The following COBL variants were observed in gnomAD, a reference collection of about 807,000 sequenced individuals.
The protein encoded by COBL is cordon-bleu WH2 repeat protein.
Under a neutral mutation model 98.8 loss-of-function variants are expected in COBL, and 51 were observed. The observed-to-expected ratio is 0.52, with a 90% confidence interval of 0.41 to 0.65. The LOEUF (loss-of-function observed/expected upper bound fraction) is 0.65. Among genes scored for constraint, COBL ranks in the 30% least tolerant of loss-of-function variants. The pLI is 0.00. For synonymous variants in COBL, 634 were observed against 651.7 expected (o/e 0.97, Z 0.41); for missense variants, 1,617 against 1,617.5 (o/e 1.00, Z 0.01).
At chr7:51,033,212 T>G (rs992903656) in intron 8 of COBL, 3 of 152,198 alleles carry the variant, frequency 2.0e-5, no homozygotes, top group Non-Finnish European at 4.4e-5. Flanking sequence ...AGGTTTTAAT[T>G]GGAAAGCAAT....
Position 51,025,178 on chromosome 7 carries a change from G to A in COBL, c.3699C>T (p.Asn1233=), listed in dbSNP as rs758074023. 3.7e-5 allele frequency: 58 copies of A among 1,587,412 alleles called. No homozygotes were observed. The highest frequency in any genetic ancestry group is 4.7e-5 in the Non-Finnish European group (55 of 1,164,956). The part of the protein sequence containing the change: ...ASRFSTGTLS[N]TADARQALMD... Reference sequence around the variant, plus strand: ...TCAAGGCTTGCCTTGCGTCTGCGGTGTTGCTGAGGGTGCCCGTGCTGAACC... The same window carrying A: ...TCAAGGCTTGCCTTGCGTCTGCGGTATTGCTGAGGGTGCCCGTGCTGAACC... Residue 1233 remains asparagine, a synonymous_variant, in exon 12 of 13, where the codon AAC becomes AAT. Coordinates refer to ENST00000265136, the MANE Select transcript of COBL (RefSeq NM_015198.5).
At chr7:51,043,134 A>C (rs1789365009) in intron 8 of COBL, among the ~76,000 whole-genome samples, 1 of 152,214 alleles carries the variant, frequency 6.6e-6, no homozygotes, top group African/African-American at 2.4e-5. Flanking sequence ...CATGATATTG[A>C]GTAGAAAAAT....
At chr7:51,070,056 A>G (rs371988094) in intron 7 of COBL, among the ~76,000 whole-genome samples, 32 of 152,286 alleles carry the variant, frequency 2.1e-4, no homozygotes, top group African/African-American at 7.2e-4. Context: ...TTTCTTAATA[A>G]GAAGGAAAAA....
At chr7:51,242,490 T>G (rs1191444155) in intron 1 of COBL, among the ~76,000 whole-genome samples, 12 of 152,182 alleles carry the variant, frequency 7.9e-5, no homozygotes, top group South Asian at 2.1e-4. Flanking sequence ...TCACAGGCTG[T>G]CCTGGCTGGA....
chr7:51,039,061 G>A (rs879750627), intron 8 of COBL, among the ~76,000 whole-genome samples: 7 of 152,218 alleles, frequency 4.6e-5, no homozygotes, highest in Non-Finnish European at 8.8e-5. Flanking sequence ...CACCAGGAAC[G>A]GTGATCATGC....
At chr7:51,096,179 A>C (rs1795256121) in intron 6 of COBL, among the ~76,000 whole-genome samples, 1 of 152,166 alleles carries the variant, frequency 6.6e-6, no homozygotes, top group South Asian at 2.1e-4. Context: ...TCTGACTATA[A>C]ATAATGGAAT....
At chr7:51,246,015 T>C (rs745462957) in intron 1 of COBL, among the ~76,000 whole-genome samples, 14 of 152,182 alleles carry the variant, frequency 9.2e-5, no homozygotes, top group Non-Finnish European at 1.8e-4. Context: ...AAAGAAGATA[T>C]CTATGAATTA....
At chr7:51,024,146 A>T (rs1787242989) in intron 12 of COBL, among the ~76,000 whole-genome samples, 1 of 152,016 alleles carries the variant, frequency 6.6e-6, no homozygotes, top group Non-Finnish European at 1.5e-5. Flanking sequence ...CATCTCGACT[A>T]AAACCACAAA....
Position 51,263,911 on chromosome 7 carries a change from A to T in COBL, c.42-43967T>A, listed in dbSNP as rs186867842. On this transcript the variant is annotated intron_variant, in intron 1 of 12. Coordinates refer to ENST00000265136, the MANE Select transcript of COBL (RefSeq NM_015198.5). ...TGAGGACAGGAGATAACTAAAGTTGATGGAATGCTAACCATGAGTTTGGCA... is the reference window on the plus strand; with the variant it reads ...TGAGGACAGGAGATAACTAAAGTTGTTGGAATGCTAACCATGAGTTTGGCA... 4.9e-4 allele frequency among the ~76,000 whole-genome samples: 74 copies of T among 152,344 alleles called. 2 individuals are homozygous for T. The highest frequency in any genetic ancestry group is 1.0e-4 in the Non-Finnish European group (7 of 68,028).
chr7:51,043,262 C>T (rs1057238719), intron 8 of COBL, 121 bp downstream of exon 8: 26 of 886,046 alleles, frequency 2.9e-5, no homozygotes, highest in South Asian at 1.7e-4. Context: ...GAATCAGGGT[C>T]GGGGCCCCTG....
chr7:51,220,920 T>C (rs1793578312), intron 1 of COBL, among the ~76,000 whole-genome samples: 1 of 152,202 alleles, frequency 6.6e-6, no homozygotes, highest in Non-Finnish European at 1.5e-5. Context: ...AGAATACATA[T>C]ATATGTGTGT....
At chr7:51,185,073 C>A (rs1402100797) in intron 4 of COBL, among the ~76,000 whole-genome samples, 1 of 152,150 alleles carries the variant, frequency 6.6e-6, no homozygotes, top group Non-Finnish European at 1.5e-5. Context: ...ATCCTCAACC[C>A]CTCTTGAATT....
intron 5 of COBL, among the ~76,000 whole-genome samples, chr7:51,145,018 T>TA (rs1352770877): frequency 1.3e-5 from 2 of 152,350 alleles, no homozygotes; most frequent in East Asian, 3.9e-4. Context: ...CACTTGTTTT[T>TA]AATTCTTTTT....
At chr7:51,188,489 A>G (rs1332510373) in intron 4 of COBL, among the ~76,000 whole-genome samples, 1 of 152,236 alleles carries the variant, frequency 6.6e-6, no homozygotes, top group African/African-American at 2.4e-5. Context: ...ACGGTAATCA[A>G]ATGTCACAGC....
At chr7:51,080,330 T>C (rs1042510730) in intron 7 of COBL, among the ~76,000 whole-genome samples, 1 of 152,220 alleles carries the variant, frequency 6.6e-6, no homozygotes, top group South Asian at 2.1e-4. Context: ...TTCAAAAAAG[T>C]GTATTTCTCC....
chr7:51,239,344 G>A (rs930159138), intron 1 of COBL, among the ~76,000 whole-genome samples: 3 of 152,034 alleles, frequency 2.0e-5, no homozygotes, highest in Non-Finnish European at 2.9e-5. Flanking sequence ...ACCTTTGTTC[G>A]TCCTCACTCC....
intron 1 of COBL, chr7:51,260,047 G>T: frequency 1.1e-6 from 1 of 908,274 alleles, no homozygotes. Context: ...CCTTTCCTCT[G>T]CTCCTTCTTC....
intron 1 of COBL, among the ~76,000 whole-genome samples, chr7:51,291,998 C>T (rs315097): frequency 0.08 from 12,137 of 151,848 alleles, 647 homozygotes; most frequent in East Asian, 0.3. Flanking sequence ...CCTGTCTCTA[C>T]TGAAAACACA....
At chr7:51,246,167 GA>G (rs1028764801) in intron 1 of COBL, among the ~76,000 whole-genome samples, 1 of 152,072 alleles carries the variant, frequency 6.6e-6, no homozygotes, top group African/African-American at 2.4e-5. Context: ...CCTTAATGCA[GA>G]AAAGCAAGTA....
Sources: allele counts gnomAD v4.1 joint callset (sites outside exome capture counted in the v4.1 genomes callset), GRCh38; gene constraint gnomAD v4.1.1; transcripts MANE v1.5; gene names NCBI Gene and HGNC (gene_info 2026-07-23, HGNC 2026-07-21).